Variants in NLGN1 observed in about 807,000 individuals in gnomAD.
The protein encoded by NLGN1 is neuroligin 1.
Under a neutral mutation model 65.5 loss-of-function variants are expected in NLGN1, and 12 were observed. The ratio of observed to expected loss-of-function variants is 0.18; its 90% CI spans 0.12 to 0.30. The LOEUF (loss-of-function observed/expected upper bound fraction) is 0.30. Ranked by LOEUF, NLGN1 falls within the 10% of genes least tolerant of loss-of-function variation. The pLI is 1.00. For missense variants in NLGN1, 750 were observed against 1,007.1 expected, an observed-to-expected ratio of 0.74 and a Z score of 3.46; for synonymous variants, 350 against 359.5, an observed-to-expected ratio of 0.97 and a Z score of 0.30.
At chr3:173,438,818 T>A (rs1035986226) in intron 2 of NLGN1, among the ~76,000 whole-genome samples, 31 of 152,214 alleles carry the variant, frequency 2.0e-4, no homozygotes, top group Admixed American at 3.3e-4. Flanking sequence ...TTTTCTTCCT[T>A]GAATGTAAGA....
intron 4 of NLGN1, among the ~76,000 whole-genome samples, chr3:174,145,348 A>T (rs551370861): frequency 6.6e-6 from 1 of 152,164 alleles, no homozygotes; most frequent in South Asian, 2.1e-4. Context: ...ACCCTTCTCT[A>T]CTAAAAATAC....
intron 4 of NLGN1, among the ~76,000 whole-genome samples, chr3:173,952,682 G>A (rs941885860): frequency 5.3e-5 from 8 of 151,298 alleles, no homozygotes; most frequent in African/African-American, 1.7e-4. Context: ...GATCCCATAT[G>A]TTTATTACAT....
chr3:173,740,472 A>G (rs770349180), intron 3 of NLGN1, among the ~76,000 whole-genome samples: 1 of 152,246 alleles, frequency 6.6e-6, no homozygotes, highest in South Asian at 2.1e-4. Context: ...GGCTCTTTTG[A>G]TCAAGTCCAG....
chr3:174,209,206 G>C (rs1735980378), intron 4 of NLGN1, among the ~76,000 whole-genome samples: 1 of 152,102 alleles, frequency 6.6e-6, no homozygotes, highest in African/African-American at 2.4e-5. Context: ...TTACAAGTGT[G>C]AACCACCGTG....
chr3:173,788,435 T>C lies in NLGN1; in HGVS notation c.494-19245T>C, dbSNP rs538940725. ...TTTTAGTTTTTAATTTACTGTGTGA[T>C]AGCAAAAATTTTTAATATTTATTGT... On this transcript the variant is annotated intron_variant, in intron 3 of 6. Transcript: ENST00000457714. Among the ~76,000 whole-genome samples, 240 of 152,202 alleles carry C rather than the reference T, an allele frequency of 1.6e-3. 1 individual carries two copies. Among genetic ancestry groups the C allele is most frequent in the African/African-American group, 5.5e-3 (229 of 41,536 alleles).
chr3:174,210,615 T>A (rs903720698), intron 4 of NLGN1, among the ~76,000 whole-genome samples: 1 of 152,174 alleles, frequency 6.6e-6, no homozygotes, highest in Admixed American at 6.5e-5. Context: ...TTATTAATAA[T>A]TGGCAGAACA....
intron 4 of NLGN1, among the ~76,000 whole-genome samples, chr3:174,221,964 C>G (rs1465328967): frequency 1.3e-5 from 2 of 152,100 alleles, no homozygotes; most frequent in African/African-American, 4.8e-5. Flanking sequence ...TTTTGGCCCT[C>G]TTCTAATCCA....
chr3:174,103,873 A>T (rs893199569), intron 4 of NLGN1, among the ~76,000 whole-genome samples: 2 of 151,734 alleles, frequency 1.3e-5, no homozygotes, highest in Admixed American at 6.6e-5. Context: ...TACTTTTTTC[A>T]TTTCTGTGTT....
chr3:173,469,944 T>G (rs1181624497), intron 2 of NLGN1, among the ~76,000 whole-genome samples: 1 of 151,064 alleles, frequency 6.6e-6, no homozygotes, highest in Non-Finnish European at 1.5e-5. Context: ...TATATATGCA[T>G]ACAATATATA....
chr3:173,532,798 A>ACTCACAAG (rs1314571490), intron 2 of NLGN1, among the ~76,000 whole-genome samples: 1 of 152,126 alleles, frequency 6.6e-6, no homozygotes, highest in Non-Finnish European at 1.5e-5. Context: ...AACCTTAGTG[A>ACTCACAAG]CTCACAAGTA....
chr3:173,532,311 T>A (rs556209501), intron 2 of NLGN1, among the ~76,000 whole-genome samples: 2 of 152,194 alleles, frequency 1.3e-5, no homozygotes, highest in Non-Finnish European at 2.9e-5. Context: ...TTATTTGGTC[T>A]CTTAGGGCAA....
intron 4 of NLGN1, among the ~76,000 whole-genome samples, chr3:173,918,660 ATG>A (rs71162369): frequency 0.24 from 26,513 of 111,422 alleles, 3,304 homozygotes; most frequent in Non-Finnish European, 0.27. Context: ...AGAAATACAT[ATG>A]TGTGTGTGTG....
At chr3:173,932,531 G>A (rs1298348446) in intron 4 of NLGN1, among the ~76,000 whole-genome samples, 2 of 151,296 alleles carry the variant, frequency 1.3e-5, no homozygotes, top group Non-Finnish European at 2.9e-5. Context: ...AGTGTGGTAG[G>A]ATTTGTCTGC....
At chr3:173,541,935 A>G (rs1453905771) in intron 2 of NLGN1, among the ~76,000 whole-genome samples, 1 of 152,008 alleles carries the variant, frequency 6.6e-6, no homozygotes, top group Non-Finnish European at 1.5e-5. Flanking sequence ...GATGGACCCT[A>G]TCAACCAAAA....
chr3:173,403,977 A>G (rs1380963130), intron 1 of NLGN1, among the ~76,000 whole-genome samples: 1 of 152,144 alleles, frequency 6.6e-6, no homozygotes, highest in Non-Finnish European at 1.5e-5. Flanking sequence ...CAATAGGTAC[A>G]ATATGGTGCA....
chr3:173,429,898 A>T (rs1716882587), intron 1 of NLGN1, among the ~76,000 whole-genome samples: 1 of 152,266 alleles, frequency 6.6e-6, no homozygotes, highest in South Asian at 2.1e-4. Flanking sequence ...GAACAGATTC[A>T]GTGATTTGGC....
intron 4 of NLGN1, among the ~76,000 whole-genome samples, chr3:174,184,729 T>A (rs1731083567): frequency 6.6e-6 from 1 of 152,182 alleles, no homozygotes; most frequent in Non-Finnish European, 1.5e-5. Flanking sequence ...CAATACTAAA[T>A]GCTAACAGTG....
rs116545751 is a variant in NLGN1, at chr3:173,851,955, T to C, written c.646+44123T>C. Among the ~76,000 whole-genome samples, 942 of 152,108 alleles carry C rather than the reference T, an allele frequency of 6.2e-3. 11 individuals carry two copies. Among genetic ancestry groups the C allele is most frequent in the African/African-American group, 0.021 (883 of 41,496 alleles). On this transcript the variant is annotated intron_variant, in intron 4 of 6. Coordinates refer to ENST00000457714, the Ensembl canonical transcript of NLGN1. The stretch of plus-strand genomic sequence containing the variant: ...TCACTTGTTTTTTTTTTCTTTTTCA[T>C]TAGTAGTATGGAAAATCAGAGTGTT...
At chr3:173,715,315 A>T (rs546272680) in intron 3 of NLGN1, among the ~76,000 whole-genome samples, 6 of 152,300 alleles carry the variant, frequency 3.9e-5, no homozygotes, top group Non-Finnish European at 8.8e-5. Context: ...TTCATGTCCA[A>T]TTCTACAATT....
Sources: allele counts gnomAD v4.1 joint callset (sites outside exome capture counted in the v4.1 genomes callset), GRCh38; gene constraint gnomAD v4.1.1; transcripts MANE v1.5; gene names NCBI Gene and HGNC (gene_info 2026-07-23, HGNC 2026-07-21).